The following BTD variants were observed in gnomAD, a reference collection of about 807,000 sequenced individuals.
BTD encodes biocytinase.
In BTD, 13 loss-of-function variants were observed where a neutral mutation model predicts 17.7. The observed-to-expected ratio is 0.74, with a 90% CI of 0.48 to 1.17. The LOEUF (loss-of-function observed/expected upper bound fraction) is 1.17, where lower values mean the gene tolerates loss of function less well. BTD is among the 50% of genes most tolerant of loss of function. BTD has a pLI of 0.00. For synonymous variants in BTD, 240 were observed against 245.2 expected (o/e 0.98, Z 0.20); for missense variants, 674 against 650.4 (o/e 1.04, Z -0.39).
rs560909955 is a variant in BTD at position 15,707,881 on chromosome 3, T to C, written c.400-2179T>C. 4 of 1,578,006 alleles carry C rather than the reference T, an allele frequency of 2.5e-6. No individual in the cohort carries two copies. The East Asian group carries it at 9.1e-5, about 36-fold the overall frequency. On this transcript the variant is annotated intron_variant, in intron 3 of 3. Transcript: ENST00000672141. ...AACATCCATATGGAAGATGCCAGTT[T>C]ATAGAAATATTGATCCTCCACTCTC...
At position 15,651,368 on chromosome 3, in the gene BTD, A is replaced by C. The variant is rs2065800097; in HGVS notation, c.*5880A>C. Among the ~76,000 whole-genome samples, 3 of 152,216 alleles carry C rather than the reference A, an allele frequency of 2.0e-5. No homozygotes were observed. Among genetic ancestry groups the C allele is most frequent in the Non-Finnish European group, 4.4e-5 (3 of 68,034 alleles). Reference sequence around the variant, plus strand: ...AATCTTGATTGAGGAGATCTTAAGAACAGAGTGATTTACACAGCTGTGGGC... The same window carrying C: ...AATCTTGATTGAGGAGATCTTAAGACCAGAGTGATTTACACAGCTGTGGGC... On this transcript the variant is annotated 3_prime_UTR_variant, in exon 4 of 4. Coordinates refer to ENST00000643237, the MANE Select transcript of BTD (RefSeq NM_001370658.1).
rs1403738777 is a variant in BTD, at chr3:15,646,732, T to G, written c.*1244T>G. The G allele has an allele frequency of 6.6e-6, 1 of 152,260 alleles. No individual in the cohort carries two copies. Among genetic ancestry groups the G allele is most frequent in the East Asian group, 1.9e-4 (1 of 5,206 alleles). The allele number at this position is 152,260 out of a possible 1,614,324, so 9.4% of individuals were successfully genotyped here. On this transcript the variant is annotated 3_prime_UTR_variant, in exon 4 of 4. Transcript: ENST00000643237. ...GCCTCTTAAATGTGGCCATTTAGTT[T>G]GAACTCCTTTTTAGTTATTTTAAAC...
intron 1 of BTD, among the ~76,000 whole-genome samples, chr3:15,621,337 G>T (rs1009004569): frequency 6.6e-6 from 1 of 152,104 alleles, no homozygotes; most frequent in African/African-American, 2.4e-5. Flanking sequence ...TCAGTATTGG[G>T]GTAATGCTGC....
chr3:15,640,916 A>G (rs571889481), intron 2 of BTD, among the ~76,000 whole-genome samples: 9 of 152,360 alleles, frequency 5.9e-5, no homozygotes, highest in African/African-American at 2.2e-4. Context: ...AAAAAATTTA[A>G]AAGTTTGCAA....
At chr3:15,601,660 A>AC (rs889120111), upstream of BTD, 156 of 1,553,554 alleles carry the variant, frequency 1.0e-4, no homozygotes, top group Non-Finnish European at 1.3e-4. Context: ...GAGAATGTAA[A>AC]CACGCGCGTT....
chr3:15,670,183 G>T, intron 3 of BTD: 1 of 1,421,276 alleles, frequency 7.0e-7, no homozygotes, highest in South Asian at 1.4e-5. Context: ...CTCTTAGGTT[G>T]AATTTCTACG....
chr3:15,626,414 T>C (rs909708303), intron 1 of BTD, among the ~76,000 whole-genome samples: 1 of 152,030 alleles, frequency 6.6e-6, no homozygotes, highest in African/African-American at 2.4e-5. Context: ...CGCTGAAACC[T>C]CCATTACCCA....
At chr3:15,607,163 A>G (rs1179962405) in intron 1 of BTD, among the ~76,000 whole-genome samples, 1 of 152,092 alleles carries the variant, frequency 6.6e-6, no homozygotes, top group Non-Finnish European at 1.5e-5. Flanking sequence ...TTCATTGGCA[A>G]TAGGTATAAA....
chr3:15,644,902 A>G lies in BTD; in HGVS notation c.986A>G (p.Asn329Ser), dbSNP rs200327983. ...KNPVGLIGAE[N>S]ATGETDPSHS... ...CCAGTGGGTCTCATTGGTGCAGAGA[A>G]TGCAACAGGTGAAACGGACCCATCC... Residue 329 changes from asparagine (N) to serine (S), a missense_variant, in exon 4 of 4, where the codon AAT (asparagine) becomes AGT (serine). Coordinates refer to ENST00000643237, the MANE Select transcript of BTD (RefSeq NM_001370658.1). 3 of 1,614,162 alleles carry G rather than the reference A, an allele frequency of 1.9e-6. No homozygotes were observed. The highest frequency in any genetic ancestry group is 2.2e-5 in the East Asian group (1 of 44,888).
chr3:15,713,531 C>T (rs758765281), downstream of BTD: 2 of 1,609,978 alleles, frequency 1.2e-6, no homozygotes, highest in East Asian at 2.2e-5. Flanking sequence ...ACTTACTTTG[C>T]AGTGTCAGCA....
chr3:15,626,345 T>C lies in BTD; in HGVS notation c.-16-9079T>C, dbSNP rs2065065195. 2.0e-5 allele frequency among the ~76,000 whole-genome samples: 3 copies of C among 152,352 alleles called. No homozygotes were observed. In the South Asian group the frequency reaches 6.2e-4, roughly 32 times the overall value. ...TAACTTCTTCACAAAAGGAGCTAGA[T>C]GATCCTCTGCTTTGCCTCTAATGCT... On this transcript the variant is annotated intron_variant, in intron 1 of 3. Coordinates refer to ENST00000643237, the MANE Select transcript of BTD (RefSeq NM_001370658.1).
rs2065740714 is a variant in BTD, at chr3:15,648,318, TGAGACAAGAG to T, written c.*2831_*2840del. Among the ~76,000 whole-genome samples the T allele has an allele frequency of 6.6e-6, 1 of 152,234 alleles. No homozygotes were observed. Among genetic ancestry groups the T allele is most frequent in the African/African-American group, 2.4e-5 (1 of 41,458 alleles). ...TGTTTTGTGCACAAAGGCCTAGATT[TGAGACAAGAG>T]CTGATGTGGCCTGAAGATCTGTGAG... is the stretch of plus-strand genomic sequence containing the variant. On this transcript the variant is annotated 3_prime_UTR_variant, in exon 4 of 4. Transcript: ENST00000643237.
chr3:15,613,375 C>T (rs2064691926), intron 1 of BTD, among the ~76,000 whole-genome samples: 1 of 152,130 alleles, frequency 6.6e-6, no homozygotes, highest in South Asian at 2.1e-4. Flanking sequence ...CATCTGATTT[C>T]TTTTGCTGCT....
At chr3:15,715,657 A>G (rs990444112), downstream of BTD, among the ~76,000 whole-genome samples, 2 of 152,180 alleles carry the variant, frequency 1.3e-5, no homozygotes, top group South Asian at 4.1e-4. Flanking sequence ...CAGATCTCCT[A>G]CTTACCACAA....
chr3:15,613,267 A>G (rs1392474376), intron 1 of BTD, among the ~76,000 whole-genome samples: 4 of 152,224 alleles, frequency 2.6e-5, no homozygotes, highest in African/African-American at 9.6e-5. Context: ...AATTATGCAT[A>G]TGATGGATCT....
intron 1 of BTD, among the ~76,000 whole-genome samples, chr3:15,622,783 CCTTTA>C: frequency 6.6e-6 from 1 of 152,316 alleles, no homozygotes; most frequent in South Asian, 2.1e-4. Context: ...TGAATTAACC[CCTTTA>C]TCATTTTGTG....
intron 1 of BTD, among the ~76,000 whole-genome samples, chr3:15,605,144 T>C (rs1177458734): frequency 6.6e-6 from 1 of 152,234 alleles, no homozygotes; most frequent in East Asian, 1.9e-4. Flanking sequence ...TTCATACTGC[T>C]ATGAAGAAAT....
chr3:15,656,882 G>A (rs2455796), downstream of BTD, among the ~76,000 whole-genome samples: 4 of 152,014 alleles, frequency 2.6e-5, no homozygotes, highest in African/African-American at 4.8e-5. Context: ...ACTATGAAAC[G>A]TAATGGCTTG....
At chr3:15,641,427 G>A (rs944723556) in intron 2 of BTD, among the ~76,000 whole-genome samples, 3 of 152,096 alleles carry the variant, frequency 2.0e-5, no homozygotes, top group South Asian at 2.1e-4. Flanking sequence ...GGGTGGTCCC[G>A]GCATCAGTGG....
Sources: allele counts gnomAD v4.1 joint callset (sites outside exome capture counted in the v4.1 genomes callset), GRCh38; gene constraint gnomAD v4.1.1; transcripts MANE v1.5; gene names NCBI Gene and HGNC (gene_info 2026-07-23, HGNC 2026-07-21).